Variants in DLC1 observed in about 807,000 individuals in gnomAD.
DLC1 encodes rho GTPase-activating protein 7.
DLC1 carries 54 observed loss-of-function variants against 140.3 expected under a neutral mutation model. The observed-to-expected ratio is 0.38, with a 90% CI of 0.31 to 0.48. The LOEUF (loss-of-function observed/expected upper bound fraction) is 0.48. DLC1 is among the 20% of genes least tolerant of loss of function. The probability of loss-of-function intolerance (pLI) is 0.96; values close to 1 mark genes in which losing one functional copy is unlikely to be tolerated. For synonymous variants in DLC1, 986 were observed against 728.1 expected (o/e 1.35, Z -5.70); for missense variants, 2,536 against 1,907.0 (o/e 1.33, Z -6.14).
At chr8:13,094,686 C>T in intron 12 of DLC1, 73 bp downstream of exon 12, 1 of 1,565,174 alleles carries the variant, frequency 6.4e-7, no homozygotes, top group Admixed American at 1.7e-5. Context: ...AGAATGCTAT[C>T]AAGGAAGCTA....
chr8:13,411,850 C>A (rs1837797957), intron 2 of DLC1, among the ~76,000 whole-genome samples: 1 of 152,146 alleles, frequency 6.6e-6, no homozygotes, highest in Admixed American at 6.5e-5. Flanking sequence ...GCTCATTTAT[C>A]CCTCTTCACA....
intron 2 of DLC1, among the ~76,000 whole-genome samples, chr8:13,406,978 G>C (rs1837595477): frequency 6.6e-6 from 1 of 152,174 alleles, no homozygotes; most frequent in South Asian, 2.1e-4. Flanking sequence ...GAAACATCCT[G>C]TTGCTTTGGG....
intron 2 of DLC1, among the ~76,000 whole-genome samples, chr8:13,471,892 A>T (rs1002139102): frequency 2.0e-5 from 3 of 152,202 alleles, no homozygotes; most frequent in Admixed American, 2.0e-4. Flanking sequence ...CTTCCCCAGA[A>T]GGAGATCTCA....
intron 5 of DLC1, among the ~76,000 whole-genome samples, chr8:13,238,505 C>T (rs548600139): frequency 2.0e-5 from 3 of 151,678 alleles, no homozygotes; most frequent in Admixed American, 2.0e-4. Context: ...AGAGCAAGAC[C>T]CTGTCTCAAA....
chr8:13,577,409 A>C (rs1420918065), intron 1 of DLC1, among the ~76,000 whole-genome samples: 1 of 152,134 alleles, frequency 6.6e-6, no homozygotes, highest in African/African-American at 2.4e-5. Flanking sequence ...TGAAGAATTT[A>C]GGTAATGTAT....
At chr8:13,402,850 T>C (rs182683283) in intron 2 of DLC1, among the ~76,000 whole-genome samples, 267 of 152,212 alleles carry the variant, frequency 1.8e-3, no homozygotes, top group Non-Finnish European at 2.7e-3. Flanking sequence ...AAGAACAGGG[T>C]CTAGGATAAT....
intron 5 of DLC1, among the ~76,000 whole-genome samples, chr8:13,293,323 A>G (rs1209640125): frequency 6.6e-6 from 1 of 152,254 alleles, no homozygotes; most frequent in Non-Finnish European, 1.5e-5. Flanking sequence ...TATTTAGTCA[A>G]GAGGAAAAAG....
intron 1 of DLC1, among the ~76,000 whole-genome samples, chr8:13,551,940 T>C (rs1278749972): frequency 7.0e-6 from 1 of 143,702 alleles, no homozygotes; most frequent in Non-Finnish European, 1.5e-5. Flanking sequence ...TATAGGTATA[T>C]ATATGTACCT....
intron 7 of DLC1, among the ~76,000 whole-genome samples, chr8:13,103,719 AT>A (rs933609317): frequency 2.0e-5 from 3 of 151,690 alleles, no homozygotes; most frequent in African/African-American, 7.3e-5. Context: ...GGTGCCTGTA[AT>A]GCCAGCTACT....
At chr8:13,594,121 A>T (rs901661904) in intron 1 of DLC1, among the ~76,000 whole-genome samples, 2 of 152,014 alleles carry the variant, frequency 1.3e-5, no homozygotes, top group Non-Finnish European at 2.9e-5. Flanking sequence ...TGATCTTGTA[A>T]CTGCACTCCA....
intron 1 of DLC1, among the ~76,000 whole-genome samples, chr8:13,556,262 C>T (rs1475154614): frequency 6.6e-6 from 1 of 152,132 alleles, no homozygotes; most frequent in Non-Finnish European, 1.5e-5. Context: ...AAAACACTCC[C>T]AGCAGATGCC....
At chr8:13,317,335 C>T (rs752049584) in intron 4 of DLC1, among the ~76,000 whole-genome samples, 10 of 152,126 alleles carry the variant, frequency 6.6e-5, no homozygotes, top group Non-Finnish European at 1.5e-4. Flanking sequence ...TTCTAGAAAA[C>T]CCATTAAATA....
rs796122058 is a variant in DLC1 at position 13,120,352 on chromosome 8, A to T, written c.1349-4695T>A. Among the ~76,000 whole-genome samples, 365 of 26,514 alleles carry T rather than the reference A, an allele frequency of 0.014. 14 individuals carry two copies. In the South Asian group the frequency reaches 0.16, roughly 11 times the overall value. The allele number at this position is 26,514 out of a possible 152,430, so 17.4% of individuals were successfully genotyped here. A position where few individuals can be genotyped will look rare whatever the true frequency, so the allele number is the denominator to read the frequency against. Reference sequence around the variant, plus strand: ...AAAGAGACTCCGTCGCAAAAAAAAAAAAAAATATATATATATATAAAATGT... The same window carrying T: ...AAAGAGACTCCGTCGCAAAAAAAAATAAAAATATATATATATATAAAATGT... On this transcript the variant is annotated intron_variant, in intron 5 of 17. Transcript: ENST00000276297.
chr8:13,243,602 A>T lies in DLC1; in HGVS notation c.1348+61667T>A, dbSNP rs117138520. ...TGATGAAGACTTGCATGACACTAAC[A>T]GAGCATATTTTCTTCTTTTTTTCTA... is the stretch of plus-strand genomic sequence containing the variant. On this transcript the variant is annotated intron_variant, in intron 5 of 17. Coordinates refer to ENST00000276297, the MANE Select transcript of DLC1 (RefSeq NM_182643.3). 4.0e-3 allele frequency among the ~76,000 whole-genome samples: 616 copies of T among 152,324 alleles called. 10 individuals carry two copies. The highest frequency in any genetic ancestry group is 0.029 in the East Asian group (152 of 5,180).
At chr8:13,525,320 T>G (rs1802886493) in intron 1 of DLC1, among the ~76,000 whole-genome samples, 1 of 152,238 alleles carries the variant, frequency 6.6e-6, no homozygotes, top group Non-Finnish European at 1.5e-5. Flanking sequence ...TGCAAGTCAT[T>G]GTATGTATAC....
chr8:13,547,166 T>G (rs1803680300), intron 1 of DLC1, among the ~76,000 whole-genome samples: 1 of 152,104 alleles, frequency 6.6e-6, no homozygotes, highest in Non-Finnish European at 1.5e-5. Flanking sequence ...TTTAATTTAT[T>G]GGGAAACAAT....
At chr8:13,552,593 T>A (rs1803904478) in intron 1 of DLC1, among the ~76,000 whole-genome samples, 1 of 151,516 alleles carries the variant, frequency 6.6e-6, no homozygotes, top group Non-Finnish European at 1.5e-5. Flanking sequence ...AATGACTAAT[T>A]AAAGACCACT....
At chr8:13,243,747 C>T (rs113713811) in intron 5 of DLC1, among the ~76,000 whole-genome samples, 31 of 152,166 alleles carry the variant, frequency 2.0e-4, no homozygotes, top group Non-Finnish European at 3.5e-4. Context: ...TCATCAGCTG[C>T]GAACAACATC....
intron 2 of DLC1, among the ~76,000 whole-genome samples, chr8:13,439,439 C>G (rs1839261574): frequency 6.6e-6 from 1 of 152,098 alleles, no homozygotes; most frequent in Non-Finnish European, 1.5e-5. Context: ...TTTGAGCACT[C>G]CATTTTCTTT....
Sources: allele counts gnomAD v4.1 joint callset (sites outside exome capture counted in the v4.1 genomes callset), GRCh38; gene constraint gnomAD v4.1.1; transcripts MANE v1.5; gene names NCBI Gene and HGNC (gene_info 2026-07-23, HGNC 2026-07-21).